The following CCDC50 variants were observed in gnomAD, a reference collection of about 807,000 sequenced individuals.
CCDC50 encodes coiled-coil domain-containing protein 50.
A neutral mutation model predicts 70.2 loss-of-function variants in CCDC50; 54 were observed. That is an observed-to-expected ratio of 0.77 (90% CI 0.62 to 0.96). The LOEUF is 0.96. CCDC50 is among the 50% of genes least tolerant of loss of function. CCDC50 has a pLI of 0.00. For missense variants in CCDC50, 558 were observed against 578.7 expected, an observed-to-expected ratio of 0.96 and a Z score of 0.37; for synonymous variants, 216 against 198.8, an observed-to-expected ratio of 1.09 and a Z score of -0.73.
intron 1 of CCDC50, among the ~76,000 whole-genome samples, chr3:191,330,867 A>G (rs1194380150): frequency 1.3e-5 from 2 of 152,164 alleles, no homozygotes; most frequent in East Asian, 3.9e-4. Flanking sequence ...CACTGATTTT[A>G]TGTAGAATTT....
At chr3:191,345,850 G>A (rs142163773) in intron 1 of CCDC50, among the ~76,000 whole-genome samples, 123 of 152,296 alleles carry the variant, frequency 8.1e-4, no homozygotes, top group Middle Eastern at 6.8e-3. Flanking sequence ...TTGTTGAAGT[G>A]TGCATGTGTT....
chr3:191,385,059 A>T (rs1459197748), intron 10 of CCDC50, among the ~76,000 whole-genome samples: 1 of 151,928 alleles, frequency 6.6e-6, no homozygotes, highest in Non-Finnish European at 1.5e-5. Flanking sequence ...TCTTTAATTA[A>T]CTGTTGATGG....
rs535790811 is a variant in CCDC50 at position 191,346,278 on chromosome 3, A to G, written c.50-10810A>G. On this transcript the variant is annotated intron_variant, in intron 1 of 11. Transcript: ENST00000392455. ...TCTCTCTTTATTATGAAATATTTTG[A>G]AAAGGATTATCAGATTCGCCTTCAT... 3.2e-4 allele frequency among the ~76,000 whole-genome samples: 48 copies of G among 152,350 alleles called. 1 individual carries two copies. The highest frequency in any genetic ancestry group is 1.2e-3 in the African/African-American group (48 of 41,580).
intron 11 of CCDC50, among the ~76,000 whole-genome samples, chr3:191,391,113 A>G (rs1416076290): frequency 1.3e-5 from 2 of 152,020 alleles, no homozygotes; most frequent in African/African-American, 4.8e-5. Flanking sequence ...GACTTTGCAA[A>G]TATATTATAT....
chr3:191,395,954 A>G lies in CCDC50; in HGVS notation c.*4194A>G, dbSNP rs1182517658. 2 of 152,142 alleles carry G rather than the reference A, an allele frequency of 1.3e-5. No individual in the cohort carries two copies. The highest frequency in any genetic ancestry group is 1.5e-5 in the Non-Finnish European group (1 of 68,010). 9.4% of individuals were successfully genotyped at this position (152,142 alleles called of 1,614,324 possible). ...ATATGGGCAGGTAGAAGCAAACTGG[A>G]GACTGTCCTGTTAATGCTGCATGGG... is the stretch of plus-strand genomic sequence containing the variant. On this transcript the variant is annotated 3_prime_UTR_variant, in exon 12 of 12. Transcript: ENST00000392455.
chr3:191,371,821 A>T (rs1712922912), intron 5 of CCDC50, among the ~76,000 whole-genome samples: 1 of 152,182 alleles, frequency 6.6e-6, no homozygotes, highest in Admixed American at 6.5e-5. Context: ...TATGTCATTT[A>T]AAAAGAAAAA....
intron 1 of CCDC50, among the ~76,000 whole-genome samples, chr3:191,341,722 GA>G (rs918737511): frequency 6.6e-6 from 1 of 150,942 alleles, no homozygotes; most frequent in Admixed American, 6.6e-5. Flanking sequence ...ATTTCTTTCT[GA>G]AAAAAAAATT....
At chr3:191,337,742 G>A (rs938534476) in intron 1 of CCDC50, among the ~76,000 whole-genome samples, 6 of 152,008 alleles carry the variant, frequency 3.9e-5, no homozygotes, top group East Asian at 1.9e-4. Context: ...AGAGTATGCC[G>A]TATGCCAGCT....
Position 191,356,994 on chromosome 3 carries a change from AT to A in CCDC50, c.50-86del, listed in dbSNP as rs35377745. On this transcript the variant is annotated intron_variant, in intron 1 of 11. Transcript: ENST00000392455. ...GTGTCATTCTGAAATATTAGAATTG[AT>A]TTTTTTTAAAGTAAAAAAAAAAAAT... 64,587 of 791,716 alleles carry A rather than the reference AT, an allele frequency of 0.082. 3,271 individuals carry two copies. The highest frequency in any genetic ancestry group is 0.2 in the East Asian group (7,601 of 37,466). 49.0% of individuals were successfully genotyped at this position (791,716 alleles called of 1,614,324 possible). A position where few individuals can be genotyped will look rare whatever the true frequency, so the allele number is the denominator to read the frequency against.
At chr3:191,391,673 G>T (rs1186241898) in intron 11 of CCDC50, 68 bp from the exon 12 acceptor site, 5 of 1,376,596 alleles carry the variant, frequency 3.6e-6, no homozygotes, top group Non-Finnish European at 5.2e-6. Flanking sequence ...CTTGGGCAGG[G>T]AGAAAAAGCT....
intron 4 of CCDC50, among the ~76,000 whole-genome samples, chr3:191,363,675 C>T (rs1159029543): frequency 2.0e-5 from 3 of 152,214 alleles, no homozygotes; most frequent in Non-Finnish European, 2.9e-5. Context: ...AGCGTTTACA[C>T]ACGTGTCATT....
intron 10 of CCDC50, among the ~76,000 whole-genome samples, chr3:191,383,453 A>G (rs946211117): frequency 6.6e-6 from 1 of 151,938 alleles, no homozygotes; most frequent in Non-Finnish European, 1.5e-5. Flanking sequence ...TTGCCTTTCG[A>G]AAGAAAACAT....
intron 10 of CCDC50, among the ~76,000 whole-genome samples, chr3:191,386,088 G>A (rs1038865049): frequency 1.4e-4 from 21 of 152,044 alleles, no homozygotes; most frequent in African/African-American, 5.1e-4. Context: ...GCTTAGGATT[G>A]CCTCGGCTAT....
chr3:191,355,999 T>C (rs1282566210), intron 1 of CCDC50, among the ~76,000 whole-genome samples: 1 of 152,210 alleles, frequency 6.6e-6, no homozygotes. Flanking sequence ...TTCATTCTGT[T>C]TCAGTTAAGT....
intron 4 of CCDC50, among the ~76,000 whole-genome samples, chr3:191,362,028 T>A (rs1005155692): frequency 6.6e-6 from 1 of 152,252 alleles, no homozygotes; most frequent in African/African-American, 2.4e-5. Context: ...ATAGTGTTTT[T>A]AAGGCTGAAA....
intron 10 of CCDC50, among the ~76,000 whole-genome samples, chr3:191,387,679 T>A (rs1713545025): frequency 6.6e-6 from 1 of 152,146 alleles, no homozygotes; most frequent in Admixed American, 6.5e-5. Flanking sequence ...TCTAGATTGA[T>A]TTGTTTATCC....
chr3:191,362,645 A>G (rs1056156182), intron 4 of CCDC50, among the ~76,000 whole-genome samples: 3 of 152,224 alleles, frequency 2.0e-5, no homozygotes, highest in African/African-American at 7.2e-5. Context: ...AACTGAAACT[A>G]CACTGGGCAA....
In CCDC50 at chr3:191,389,592, C is replaced by G; in HGVS notation, c.1419C>G (p.Ser473=). 1 of 1,611,952 alleles carries G rather than the reference C, an allele frequency of 6.2e-7. No individual in the cohort carries two copies. ...CACGGCATTTCTCAAAATCAGAGTC[C>G]TCTCATAAAGGTAAGAAGAGTATGT... ...SSTRHFSKSE[S]SHKGFHYKH The change falls in exon 11 of 12, where the codon TCC becomes TCG. Residue 473 remains serine (S), a synonymous_variant. Transcript: ENST00000392455.
At chr3:191,388,076 G>C (rs954696248) in intron 10 of CCDC50, among the ~76,000 whole-genome samples, 6 of 151,598 alleles carry the variant, frequency 4.0e-5, no homozygotes, top group Admixed American at 2.6e-4. Flanking sequence ...TCCAATATTG[G>C]TAAACAAATG....
Sources: allele counts gnomAD v4.1 joint callset (sites outside exome capture counted in the v4.1 genomes callset), GRCh38; gene constraint gnomAD v4.1.1; transcripts MANE v1.5; gene names NCBI Gene and HGNC (gene_info 2026-07-23, HGNC 2026-07-21).